The following PREX1 variants were observed in gnomAD, a reference collection of about 807,000 sequenced individuals.
The protein encoded by PREX1 is phosphatidylinositol-3,4,5-trisphosphate dependent Rac exchange factor 1.
PREX1 carries 41 observed loss-of-function variants against 198.3 expected under a neutral mutation model. The ratio of observed to expected loss-of-function variants is 0.21; its 90% CI spans 0.16 to 0.27. The LOEUF is 0.27. PREX1 is among the 10% of genes least tolerant of loss of function. The probability of loss-of-function intolerance (pLI) is 1.00; values close to 1 mark genes in which losing one functional copy is unlikely to be tolerated. For synonymous variants in PREX1, 843 were observed against 887.2 expected (o/e 0.95, Z 0.89); for missense variants, 1,620 against 2,200.7 (o/e 0.74, Z 5.28).
At chr20:48,881,488 ATT>A in the PREX1 span, among the ~76,000 whole-genome samples, 24 of 139,344 alleles carry the variant, frequency 1.7e-4, no homozygotes, top group East Asian at 2.1e-4. Flanking sequence ...CATACAATTC[ATT>A]TTTTTTTTTT....
At chr20:48,638,781 G>A (rs1363292001) in intron 30 of PREX1, among the ~76,000 whole-genome samples, 1 of 152,218 alleles carries the variant, frequency 6.6e-6, no homozygotes, top group East Asian at 1.9e-4. Context: ...TGACCACACG[G>A]GAAGGAGGCA....
rs576084770 is a variant in PREX1, at chr20:48,741,255, G to A, written c.414+3770C>T. Among the ~76,000 whole-genome samples, 17 of 152,318 alleles carry A rather than the reference G, an allele frequency of 1.1e-4. No individual in the cohort carries two copies. The East Asian group carries it at 1.5e-3, about 14-fold the overall frequency. The stretch of plus-strand genomic sequence containing the variant: ...AGGATGGCCTAAAGCCCACTTCTGC[G>A]GCTGGCACAGTCGTGACCTTGAGCT... On this transcript the variant is annotated intron_variant, in intron 3 of 39. Coordinates refer to ENST00000371941, the MANE Select transcript of PREX1 (RefSeq NM_020820.4).
At chr20:48,641,854 GGAAGGAAGGAAGGA>G (rs1568796626) in intron 29 of PREX1, among the ~76,000 whole-genome samples, 34 of 57,404 alleles carry the variant, frequency 5.9e-4, no homozygotes, top group Admixed American at 1.6e-3. Context: ...AAGGAAGGAA[GGAAGGAAGGAAGGA>G]AGGAAGGAAG....
At chr20:48,700,579 T>C (rs939847986) in intron 7 of PREX1, among the ~76,000 whole-genome samples, 174 bp downstream of exon 7, 2 of 152,240 alleles carry the variant, frequency 1.3e-5, no homozygotes, top group Non-Finnish European at 2.9e-5. Context: ...ATGTGGCTAC[T>C]AGAACATTTA....
chr20:48,645,144 G>A (rs745958775), intron 26 of PREX1, among the ~76,000 whole-genome samples: 7 of 152,202 alleles, frequency 4.6e-5, no homozygotes, highest in African/African-American at 7.2e-5. Context: ...ATCCCTTGAC[G>A]ACTGGAAGAA....
At chr20:48,873,811 T>C in the PREX1 span, among the ~76,000 whole-genome samples, 240 of 152,180 alleles carry the variant, frequency 1.6e-3, no homozygotes, top group African/African-American at 5.4e-3. Context: ...GTCACCATGC[T>C]CCTCATCCCA....
intron 1 of PREX1, among the ~76,000 whole-genome samples, chr20:48,793,296 G>A (rs866049232): frequency 3.3e-5 from 5 of 152,286 alleles, no homozygotes; most frequent in Non-Finnish European, 5.9e-5. Flanking sequence ...ACTACCAATG[G>A]GTTTGGGTTG....
chr20:48,874,743 G>C, the PREX1 span, among the ~76,000 whole-genome samples: 1 of 152,092 alleles, frequency 6.6e-6, no homozygotes, highest in African/African-American at 2.4e-5. Context: ...TGGGCATGGT[G>C]ACACACGGCT....
At chr20:48,721,821 T>G (rs1037261661) in intron 5 of PREX1, among the ~76,000 whole-genome samples, 1 of 152,098 alleles carries the variant, frequency 6.6e-6, no homozygotes, top group African/African-American at 2.4e-5. Context: ...ACAGCTGGAC[T>G]CTGGACAGAG....
intron 5 of PREX1, among the ~76,000 whole-genome samples, chr20:48,719,994 G>A (rs549064315): frequency 2.0e-4 from 30 of 152,076 alleles, no homozygotes; most frequent in Middle Eastern, 3.4e-3. Context: ...TTACTCCCTC[G>A]CTCTCTCCCT....
At chr20:48,885,334 C>T in the PREX1 span, among the ~76,000 whole-genome samples, 1 of 152,128 alleles carries the variant, frequency 6.6e-6, no homozygotes, top group Non-Finnish European at 1.5e-5. Flanking sequence ...ACAGCGAATA[C>T]ATGAATGAAT....
At chr20:48,730,718 G>C (rs928484003) in intron 4 of PREX1, among the ~76,000 whole-genome samples, 5 of 152,104 alleles carry the variant, frequency 3.3e-5, no homozygotes, top group Middle Eastern at 3.4e-3. Context: ...ACTTGGACTG[G>C]GCAGAGTGAC....
At chr20:48,783,239 A>T (rs531715541) in intron 1 of PREX1, among the ~76,000 whole-genome samples, 1 of 152,312 alleles carries the variant, frequency 6.6e-6, no homozygotes, top group Admixed American at 6.5e-5. Flanking sequence ...GAGGGTAGTG[A>T]GGATGAGAGG....
chr20:48,872,305 T>A, the PREX1 span, among the ~76,000 whole-genome samples: 3 of 152,096 alleles, frequency 2.0e-5, no homozygotes, highest in African/African-American at 7.2e-5. Flanking sequence ...TAGAGTTGGA[T>A]ACGTATAAGT....
At chr20:48,830,671 C>A (rs780276068), upstream of PREX1, among the ~76,000 whole-genome samples, 3 of 152,228 alleles carry the variant, frequency 2.0e-5, no homozygotes, top group Non-Finnish European at 2.9e-5. Flanking sequence ...CTGCTGGGAT[C>A]TTTTTCCCCT....
At chr20:48,746,150 A>C (rs2090106722) in intron 2 of PREX1, among the ~76,000 whole-genome samples, 1 of 152,096 alleles carries the variant, frequency 6.6e-6, no homozygotes, top group Non-Finnish European at 1.5e-5. Context: ...CCTCCCGAGT[A>C]GCTGGGAATA....
intron 30 of PREX1, among the ~76,000 whole-genome samples, chr20:48,638,045 C>T (rs2089378889): frequency 1.3e-5 from 2 of 152,196 alleles, no homozygotes; most frequent in African/African-American, 4.8e-5. Context: ...TGCCCCACAC[C>T]TTGTTCACAT....
chr20:48,732,953 C>G lies in PREX1; in HGVS notation c.519+1593G>C, dbSNP rs2090041197. ...AGCATCATAACCTAGGGCCTTAGCC[C>G]CTGACACTGGAGCCACTATACCAGC... On this transcript the variant is annotated intron_variant, in intron 4 of 39. Transcript: ENST00000371941. Among the ~76,000 whole-genome samples, 3 of 152,232 alleles carry G rather than the reference C, an allele frequency of 2.0e-5. No individual in the cohort carries two copies. In the South Asian group the frequency reaches 6.2e-4, roughly 32 times the overall value.
chr20:48,810,527 A>C (rs1568650261), intron 1 of PREX1, among the ~76,000 whole-genome samples: 1 of 149,920 alleles, frequency 6.7e-6, no homozygotes, highest in Non-Finnish European at 1.5e-5. Context: ...GGCTGCAGTG[A>C]GCTATGATCA....
Sources: allele counts gnomAD v4.1 joint callset (sites outside exome capture counted in the v4.1 genomes callset), GRCh38; gene constraint gnomAD v4.1.1; transcripts MANE v1.5; gene names NCBI Gene and HGNC (gene_info 2026-07-23, HGNC 2026-07-21).